Variants in DOCK1 observed in about 807,000 individuals in gnomAD.
DOCK1 encodes dedicator of cytokinesis 1, also known as dedicator of cytokinesis protein 1.
DOCK1 carries 138 observed loss-of-function variants against 262.7 expected under a neutral mutation model. The ratio of observed to expected loss-of-function variants is 0.53; its 90% CI spans 0.46 to 0.61. The LOEUF is 0.61. Among genes scored for constraint, DOCK1 ranks in the 20% least tolerant of loss-of-function variants. The probability of loss-of-function intolerance (pLI) is 0.00; values close to 1 mark genes in which losing one functional copy is unlikely to be tolerated. For synonymous variants in DOCK1, 866 were observed against 867.4 expected (o/e 1.00, Z 0.03); for missense variants, 1,908 against 2,370.7 (o/e 0.80, Z 4.05).
At chr10:127,241,311 T>G (rs2059256722) in intron 27 of DOCK1, among the ~76,000 whole-genome samples, 1 of 152,126 alleles carries the variant, frequency 6.6e-6, no homozygotes, top group African/African-American at 2.4e-5. Flanking sequence ...AGAGCAACCC[T>G]CCATCTCAAA....
intron 33 of DOCK1, 72 bp downstream of exon 33, chr10:127,362,284 C>T (rs2133930980): frequency 6.5e-7 from 1 of 1,531,638 alleles, no homozygotes; most frequent in South Asian, 1.3e-5. Flanking sequence ...TCAAAGAAAC[C>T]TGTAGACAGT....
chr10:127,235,460 A>T (rs1035736467), intron 27 of DOCK1, among the ~76,000 whole-genome samples: 1 of 152,120 alleles, frequency 6.6e-6, no homozygotes, highest in African/African-American at 2.4e-5. Flanking sequence ...ATTTACCAGT[A>T]GTTTGTTCCT....
intron 50 of DOCK1, 70 bp downstream of exon 50, chr10:127,444,349 G>C: frequency 2.0e-6 from 3 of 1,491,908 alleles, no homozygotes; most frequent in Non-Finnish European, 2.7e-6. Flanking sequence ...AAGGCTCTGA[G>C]GTTAGAAGCG....
In DOCK1 at chr10:127,348,377, C is replaced by T. The variant is rs117192644; in HGVS notation, c.3224+4631C>T. On this transcript the variant is annotated intron_variant, in intron 31 of 51. Transcript: ENST00000623213. ...AAAGGAATGACTTTTGATTAGCAGC[C>T]AGCTTGATAATTTTGTTATGTAAGA... Among the ~76,000 whole-genome samples the T allele has an allele frequency of 3.4e-4, 51 of 152,214 alleles. No individual in the cohort carries two copies. The East Asian group carries it at 9.5e-3, about 28-fold the overall frequency.
chr10:127,283,857 G>A (rs1181287878), intron 29 of DOCK1, among the ~76,000 whole-genome samples: 1 of 152,128 alleles, frequency 6.6e-6, no homozygotes, highest in African/African-American at 2.4e-5. Context: ...TCATGCATAT[G>A]GTTTCTATAT....
intron 11 of DOCK1, among the ~76,000 whole-genome samples, chr10:127,010,372 C>T (rs2041334616): frequency 6.6e-6 from 1 of 152,184 alleles, no homozygotes. Context: ...GAGGCTGAGG[C>T]AGGAGAATCG....
chr10:127,451,193 G>A (rs962028141), intron 51 of DOCK1, 139 bp from the exon 52 acceptor site: 5 of 937,984 alleles, frequency 5.3e-6, no homozygotes, highest in East Asian at 5.3e-5. Flanking sequence ...GCCCCAAGTC[G>A]GACAGGATGG....
intron 27 of DOCK1, among the ~76,000 whole-genome samples, chr10:127,173,457 C>T (rs190692323): frequency 7.9e-5 from 12 of 152,272 alleles, no homozygotes; most frequent in African/African-American, 9.6e-5. Flanking sequence ...TGTAAGAAGG[C>T]GCTCCCATAT....
intron 21 of DOCK1, among the ~76,000 whole-genome samples, chr10:127,049,239 G>A (rs968895438): frequency 1.3e-5 from 2 of 152,164 alleles, no homozygotes; most frequent in East Asian, 1.9e-4. Context: ...GTCATAGGCC[G>A]GGCATGGTGG....
At chr10:126,961,505 G>T (rs1244689107) in intron 1 of DOCK1, among the ~76,000 whole-genome samples, 1 of 152,076 alleles carries the variant, frequency 6.6e-6, no homozygotes, top group East Asian at 1.9e-4. Flanking sequence ...CCAGCCTCTG[G>T]CAACCCCCTT....
chr10:127,227,299 A>G (rs1364674048), intron 27 of DOCK1, among the ~76,000 whole-genome samples: 1 of 152,186 alleles, frequency 6.6e-6, no homozygotes, highest in Non-Finnish European at 1.5e-5. Context: ...ACCTACCACC[A>G]TTAAGGATGC....
At chr10:127,421,105 G>A (rs1459599557) in intron 46 of DOCK1, among the ~76,000 whole-genome samples, 1 of 152,016 alleles carries the variant, frequency 6.6e-6, no homozygotes, top group African/African-American at 2.4e-5. Context: ...TTGTAATGGA[G>A]ATGGGGTTTT....
chr10:127,203,441 C>T (rs1483148154), intron 27 of DOCK1, among the ~76,000 whole-genome samples: 3 of 152,264 alleles, frequency 2.0e-5, no homozygotes, highest in South Asian at 4.1e-4. Context: ...TAAGAATTGA[C>T]GACCTGACTT....
intron 1 of DOCK1, among the ~76,000 whole-genome samples, chr10:126,908,088 A>G (rs1185900229): frequency 6.7e-6 from 1 of 150,218 alleles, no homozygotes; most frequent in East Asian, 2.0e-4. Flanking sequence ...GCACCACTCC[A>G]TCGGCATCCA....
intron 1 of DOCK1, among the ~76,000 whole-genome samples, chr10:126,927,076 G>A (rs2033793455): frequency 6.6e-6 from 1 of 152,170 alleles, no homozygotes; most frequent in African/African-American, 2.4e-5. Flanking sequence ...TTGGCGCCCT[G>A]CATCTTGTCT....
At chr10:127,207,210 G>A (rs929150873) in intron 27 of DOCK1, among the ~76,000 whole-genome samples, 1 of 152,166 alleles carries the variant, frequency 6.6e-6, no homozygotes, top group South Asian at 2.1e-4. Flanking sequence ...AGCTTTATGA[G>A]AATTAAATCC....
At chr10:127,018,490 G>A (rs2042176009) in intron 12 of DOCK1, 1 of 599,616 alleles carries the variant, frequency 1.7e-6, no homozygotes, top group Admixed American at 3.0e-5. Context: ...CTGTCTGTGA[G>A]TCACCCTAGG....
chr10:127,216,899 C>T (rs1161058894), intron 27 of DOCK1, among the ~76,000 whole-genome samples: 2 of 152,124 alleles, frequency 1.3e-5, no homozygotes, highest in East Asian at 1.9e-4. Context: ...GTGGTGAGTA[C>T]ATGTCGTGGG....
chr10:127,389,946 G>A (rs1439457283), intron 38 of DOCK1, among the ~76,000 whole-genome samples: 3 of 151,772 alleles, frequency 2.0e-5, no homozygotes, highest in African/African-American at 7.3e-5. Context: ...CCTGGGAGGC[G>A]GAGATTGCAG....
Sources: gnomAD v4.1 joint callset for allele counts (sites outside exome capture counted in the v4.1 genomes callset) on GRCh38, gnomAD v4.1.1 for gene constraint, MANE v1.5 for transcripts, NCBI Gene and HGNC (gene_info 2026-07-23, HGNC 2026-07-21) for gene names.